Variants in ADNP observed in about 807,000 individuals in gnomAD.
The protein encoded by ADNP is activity-dependent neuroprotector homeobox protein.
ADNP carries 4 observed loss-of-function variants against 84.9 expected under a neutral mutation model. The observed-to-expected ratio is 0.05, with a 90% CI of 0.02 to 0.11. ADNP has a LOEUF of 0.11. Among genes scored for constraint, ADNP ranks in the 10% least tolerant of loss-of-function variants. The pLI, the probability that ADNP is intolerant of heterozygous loss-of-function variation, is 1.00. For synonymous variants in ADNP, 554 were observed against 468.1 expected, an observed-to-expected ratio of 1.18 and a Z score of -2.37; for missense variants, 1,132 against 1,326.0, an observed-to-expected ratio of 0.85 and a Z score of 2.27.
intron 1 of ADNP, among the ~76,000 whole-genome samples, chr20:50,930,512 G>A (rs889079966): frequency 6.6e-6 from 1 of 151,996 alleles, no homozygotes; most frequent in African/African-American, 2.4e-5. Context: ...TGGGGGAGAT[G>A]CCCTTAGCTG....
intron 5 of ADNP, among the ~76,000 whole-genome samples, chr20:50,901,321 TAAAA>T (rs11470054): frequency 0.11 from 9,870 of 92,712 alleles, 408 homozygotes; most frequent in Middle Eastern, 0.23. Context: ...CTGGGGTATT[TAAAA>T]AAAAAAAAAA....
intron 4 of ADNP, 119 bp downstream of exon 4, chr20:50,903,770 G>T: frequency 1.4e-6 from 1 of 723,630 alleles, no homozygotes. Flanking sequence ...TTTTCGTGAA[G>T]CTACTGCTGT....
chr20:50,895,823 G>A (rs73128488), intron 5 of ADNP, among the ~76,000 whole-genome samples: 24,439 of 152,178 alleles, frequency 0.16, 2,696 homozygotes, highest in Non-Finnish European at 0.24. Context: ...CCGCTGTGCC[G>A]AGCCCTAAAA....
Position 50,931,293 on chromosome 20 carries a change from CGGCGGAGGGGAGACCGGGCCGGCGGA to C in ADNP, c.-758_-733del, listed in dbSNP as rs1984756283. ...AGTTCAGCTCATGGATCCCGGCGGG[CGGCGGAGGGGAGACCGGGCCGGCGGA>C]GGCGGCGGCGGCAACGGGCGGGGGA... On this transcript the variant is annotated 5_prime_UTR_variant, in exon 1 of 6. Transcript: ENST00000621696. 4.2e-5 allele frequency: 1 copy of C among 23,902 alleles called. No individual in the cohort carries two copies. Among genetic ancestry groups the C allele is most frequent in the Non-Finnish European group, 7.5e-5 (1 of 13,422 alleles). The allele number at this position is 23,902 out of a possible 1,614,324, so 1.5% of individuals were successfully genotyped here.
intron 5 of ADNP, among the ~76,000 whole-genome samples, chr20:50,896,651 C>A (rs1045140474): frequency 2.0e-5 from 3 of 152,204 alleles, no homozygotes; most frequent in Non-Finnish European, 4.4e-5. Context: ...GAGTCAGAAT[C>A]AACAGTATCA....
At chr20:50,908,223 A>G (rs983973320) in intron 2 of ADNP, among the ~76,000 whole-genome samples, 2 of 151,018 alleles carry the variant, frequency 1.3e-5, no homozygotes, top group Admixed American at 1.3e-4. Flanking sequence ...AAATATAAGC[A>G]AAGAAGGCTT....
intron 2 of ADNP, among the ~76,000 whole-genome samples, chr20:50,915,916 T>C (rs1983475091): frequency 7.9e-6 from 1 of 125,960 alleles, no homozygotes; most frequent in Non-Finnish European, 1.7e-5. Flanking sequence ...AGGATAATCA[T>C]ATTATAACAC....
In ADNP at chr20:50,894,518, G is replaced by A. The variant is rs774556278; in HGVS notation, c.202-6C>T. ...AAAGGTTTTGTCCGATAGTCCTAAA[G>A]TAAACACAAAAACTAGAATTAGAAT... On this transcript the variant is annotated splice_region_variant and splice_polypyrimidine_tract_variant and intron_variant, in intron 5 of 5. Transcript: ENST00000621696. 1 of 1,566,820 alleles carries A rather than the reference G, an allele frequency of 6.4e-7. No individual in the cohort carries two copies. Among genetic ancestry groups the A allele is most frequent in the Non-Finnish European group, 8.6e-7 (1 of 1,163,098 alleles).
intron 2 of ADNP, among the ~76,000 whole-genome samples, chr20:50,918,760 T>C (rs1983703711): frequency 6.6e-6 from 1 of 152,146 alleles, no homozygotes; most frequent in African/African-American, 2.4e-5. Context: ...GCTACAAAAG[T>C]AGAAGAACAA....
chr20:50,896,359 A>AG (rs535327242), intron 5 of ADNP, among the ~76,000 whole-genome samples: 27 of 152,226 alleles, frequency 1.8e-4, no homozygotes, highest in Non-Finnish European at 3.5e-4. Flanking sequence ...TGGGAGGCCA[A>AG]GGCAGGTGGA....
intron 1 of ADNP, 54 bp downstream of exon 1, chr20:50,930,772 G>T (rs1472032281): frequency 6.6e-6 from 1 of 150,470 alleles, no homozygotes; most frequent in Non-Finnish European, 1.5e-5. Flanking sequence ...GGCCGGGGTC[G>T]GGAAGCCAGG....
At chr20:50,909,070 T>TAAA (rs745349074) in intron 2 of ADNP, among the ~76,000 whole-genome samples, 1 of 138,876 alleles carries the variant, frequency 7.2e-6, no homozygotes, top group African/African-American at 2.7e-5. Flanking sequence ...GGATGGCCAT[T>TAAA]AAAAAAAAAA....
intron 2 of ADNP, among the ~76,000 whole-genome samples, chr20:50,918,651 G>A (rs1366073079): frequency 6.6e-6 from 1 of 152,132 alleles, no homozygotes; most frequent in African/African-American, 2.4e-5. Flanking sequence ...TCAGTGAGAC[G>A]TTCAACTACC....
rs753326416 is a variant in ADNP at position 50,904,017 on chromosome 20, AT to A, written c.-5-17del. 2 of 1,592,726 alleles carry A rather than the reference AT, an allele frequency of 1.3e-6. No individual in the cohort carries two copies. The highest frequency in any genetic ancestry group is 1.7e-6 in the Non-Finnish European group (2 of 1,163,944). On this transcript the variant is annotated splice_polypyrimidine_tract_variant and intron_variant, in intron 3 of 5. Coordinates refer to ENST00000621696, the MANE Select transcript of ADNP (RefSeq NM_001282531.3). ...AACATAGTTTCTATTGGAAAAAAAA[AT>A]TTAAGTCAAAGTCAAAACACGTACA...
At chr20:50,901,572 ATCTC>A (rs1439365567) in intron 5 of ADNP, among the ~76,000 whole-genome samples, 1 of 152,180 alleles carries the variant, frequency 6.6e-6, no homozygotes, top group Admixed American at 6.5e-5. Flanking sequence ...AAGAAGTTTT[ATCTC>A]TCTGTCACTG....
chr20:50,909,805 A>G (rs1982867803), intron 2 of ADNP: 1 of 152,252 alleles, frequency 6.6e-6, no homozygotes, highest in Non-Finnish European at 1.5e-5. Flanking sequence ...TCTATGTAAG[A>G]TAATGACCAG....
intron 2 of ADNP, among the ~76,000 whole-genome samples, chr20:50,923,039 G>A (rs779372883): frequency 2.3e-4 from 35 of 152,066 alleles, no homozygotes; most frequent in Non-Finnish European, 4.3e-4. Context: ...AGGAGAGCAG[G>A]AGAAGATCAG....
At chr20:50,896,415 C>T (rs1981399672) in intron 5 of ADNP, among the ~76,000 whole-genome samples, 1 of 152,074 alleles carries the variant, frequency 6.6e-6, no homozygotes, top group Non-Finnish European at 1.5e-5. Flanking sequence ...CATGGTGAAA[C>T]CTCATCTCTA....
intron 1 of ADNP, among the ~76,000 whole-genome samples, 162 bp from the exon 2 acceptor site, chr20:50,928,987 C>G (rs1984465720): frequency 6.6e-6 from 1 of 152,330 alleles, no homozygotes; most frequent in African/African-American, 2.4e-5. Context: ...GAAATTTTTA[C>G]AATCAACACT....
Sources: gnomAD v4.1 joint callset for allele counts (sites outside exome capture counted in the v4.1 genomes callset) on GRCh38, gnomAD v4.1.1 for gene constraint, MANE v1.5 for transcripts, NCBI Gene and HGNC (gene_info 2026-07-23, HGNC 2026-07-21) for gene names.